The following FAM135B variants were observed in gnomAD, a reference collection of about 807,000 sequenced individuals.
FAM135B encodes protein FAM135B.
In FAM135B, 43 loss-of-function variants were observed where a neutral mutation model predicts 127.7. The ratio of observed to expected loss-of-function variants is 0.34; its 90% CI spans 0.26 to 0.43. The LOEUF (loss-of-function observed/expected upper bound fraction) is 0.43, where lower values mean the gene tolerates loss of function less well. Ranked by LOEUF, FAM135B falls within the 20% of genes least tolerant of loss-of-function variation. The pLI is 1.00. For synonymous variants in FAM135B, 670 were observed against 665.1 expected (o/e 1.01, Z -0.11); for missense variants, 1,558 against 1,725.6 (o/e 0.90, Z 1.72).
intron 12 of FAM135B, among the ~76,000 whole-genome samples, chr8:138,166,607 G>A (rs1819949467): frequency 6.6e-6 from 1 of 152,112 alleles, no homozygotes; most frequent in African/African-American, 2.4e-5. Flanking sequence ...ATAAACAAGA[G>A]CTAAGTTCCT....
intron 9 of FAM135B, among the ~76,000 whole-genome samples, chr8:138,187,834 G>C (rs1365497173): frequency 1.3e-5 from 2 of 152,214 alleles, no homozygotes; most frequent in African/African-American, 4.8e-5. Context: ...TCCATGATTG[G>C]AGAGTTGGGA....
At chr8:138,184,201 A>G (rs998743188) in intron 9 of FAM135B, among the ~76,000 whole-genome samples, 1 of 152,168 alleles carries the variant, frequency 6.6e-6, no homozygotes, top group Non-Finnish European at 1.5e-5. Context: ...GCAGAAAGAT[A>G]CTGTTTTTGC....
intron 12 of FAM135B, among the ~76,000 whole-genome samples, chr8:138,159,305 A>G (rs1245323464): frequency 7.0e-6 from 1 of 142,470 alleles, no homozygotes; most frequent in Non-Finnish European, 1.5e-5. Context: ...ACATGCACAC[A>G]TATGTTTATT....
intron 3 of FAM135B, among the ~76,000 whole-genome samples, chr8:138,285,395 C>T (rs1345532855): frequency 2.0e-5 from 3 of 152,090 alleles, no homozygotes; most frequent in African/African-American, 7.2e-5. Flanking sequence ...TATACGCCCA[C>T]CTCGGCCTCC....
chr8:138,214,647 C>T (rs1818409570), intron 7 of FAM135B, among the ~76,000 whole-genome samples: 2 of 151,972 alleles, frequency 1.3e-5, no homozygotes, highest in Admixed American at 1.3e-4. Context: ...ACATAGTTAG[C>T]CAGATGGACA....
chr8:138,306,383 C>G (rs1294880429), intron 3 of FAM135B, among the ~76,000 whole-genome samples: 3 of 145,428 alleles, frequency 2.1e-5, no homozygotes, highest in African/African-American at 7.7e-5. Context: ...TGTGGTGAGC[C>G]GAGATTGCAC....
chr8:138,402,729 C>G (rs1484792075), intron 1 of FAM135B, among the ~76,000 whole-genome samples: 1 of 152,160 alleles, frequency 6.6e-6, no homozygotes, highest in Non-Finnish European at 1.5e-5. Context: ...ACTACACTAC[C>G]AAGGTTATCA....
At chr8:138,456,943 G>A (rs1359728138) in intron 1 of FAM135B, among the ~76,000 whole-genome samples, 1 of 151,716 alleles carries the variant, frequency 6.6e-6, no homozygotes, top group Non-Finnish European at 1.5e-5. Context: ...AACGGGGGAA[G>A]GACCAGGAAA....
rs117465226 is a variant in FAM135B at position 138,292,767 on chromosome 8, T to G, written c.157+18074A>C. On this transcript the variant is annotated intron_variant, in intron 3 of 19. Coordinates refer to ENST00000395297, the MANE Select transcript of FAM135B (RefSeq NM_015912.4). ...TGGAAACACATCTCATGTCATGGAT[T>G]GGAAAGCTCAATATCGTGAAAATGA... Among the ~76,000 whole-genome samples the G allele has an allele frequency of 2.1e-4, 32 of 152,218 alleles. No individual in the cohort carries two copies. In the East Asian group the frequency reaches 5.6e-3, roughly 27 times the overall value.
At chr8:138,257,179 C>A (rs11166801) in intron 4 of FAM135B, among the ~76,000 whole-genome samples, 41,664 of 151,944 alleles carry the variant, frequency 0.27, 6,493 homozygotes, top group East Asian at 0.56. Flanking sequence ...TAAGTCAGAG[C>A]AATGTCATCT....
intron 15 of FAM135B, among the ~76,000 whole-genome samples, chr8:138,145,563 C>G (rs1817579568): frequency 1.3e-5 from 2 of 152,134 alleles, no homozygotes; most frequent in South Asian, 4.1e-4. Context: ...AAGTCATTCT[C>G]TTCTCTCTCC....
rs147069201 is a variant in FAM135B, at chr8:138,179,991, G to A, written c.874-1301C>T. On this transcript the variant is annotated intron_variant, in intron 9 of 19. Coordinates refer to ENST00000395297, the MANE Select transcript of FAM135B (RefSeq NM_015912.4). ...CCTGGCTTCACTCCACATTTCTTACGGGAGATTCCTGGTTACATTAACTAA... is the reference window on the plus strand; with the variant it reads ...CCTGGCTTCACTCCACATTTCTTACAGGAGATTCCTGGTTACATTAACTAA... 3.3e-4 allele frequency among the ~76,000 whole-genome samples: 51 copies of A among 152,264 alleles called. No individual in the cohort carries two copies. In the East Asian group the frequency reaches 6.4e-3, roughly 19 times the overall value.
chr8:138,185,788 T>A (rs1247177030), intron 9 of FAM135B, among the ~76,000 whole-genome samples: 1 of 152,214 alleles, frequency 6.6e-6, no homozygotes, highest in African/African-American at 2.4e-5. Flanking sequence ...TGCTCTCCAG[T>A]TGATACTCAG....
At position 138,474,969 on chromosome 8, in the gene FAM135B, T is replaced by G. The variant is rs114342706; in HGVS notation, c.-20+21702A>C. Among the ~76,000 whole-genome samples the G allele has an allele frequency of 6.1e-3, 936 of 152,330 alleles. 5 individuals are homozygous for G. Among genetic ancestry groups the G allele is most frequent in the African/African-American group, 0.022 (906 of 41,582 alleles). Reference sequence around the variant, plus strand: ...CATTGTCAGCCTCTTGCAGGATGCTTTTCCAGACCTGTCTGTGACACGCAT... The same window carrying G: ...CATTGTCAGCCTCTTGCAGGATGCTGTTCCAGACCTGTCTGTGACACGCAT... On this transcript the variant is annotated intron_variant, in intron 1 of 19. Coordinates refer to ENST00000395297, the MANE Select transcript of FAM135B (RefSeq NM_015912.4).
chr8:138,488,184 T>A (rs1815059002), intron 1 of FAM135B, among the ~76,000 whole-genome samples: 1 of 152,144 alleles, frequency 6.6e-6, no homozygotes, highest in Admixed American at 6.5e-5. Context: ...CAGTTATTAC[T>A]TTTTAAACGT....
intron 2 of FAM135B, among the ~76,000 whole-genome samples, chr8:138,340,894 C>T (rs1412390658): frequency 6.6e-6 from 1 of 152,180 alleles, no homozygotes; most frequent in Non-Finnish European, 1.5e-5. Flanking sequence ...CCCGCATGCT[C>T]TCCAAATCCA....
At chr8:138,411,065 G>T (rs10103761) in intron 1 of FAM135B, among the ~76,000 whole-genome samples, 5 of 98,362 alleles carry the variant, frequency 5.1e-5, no homozygotes, top group Non-Finnish European at 1.1e-4. Flanking sequence ...CCATACTGCC[G>T]AAGGTAATTT....
chr8:138,462,955 C>T (rs1333596730), intron 1 of FAM135B, among the ~76,000 whole-genome samples: 2 of 152,174 alleles, frequency 1.3e-5, no homozygotes, highest in East Asian at 3.9e-4. Context: ...AATTAACTAA[C>T]AGCAGGCTAT....
At position 138,152,871 on chromosome 8, in the gene FAM135B, T is replaced by G; in HGVS notation, c.1604A>C (p.Asp535Ala). The change falls in exon 13 of 20, where the codon GAT becomes GCT. Residue 535 changes from aspartate to alanine, a missense_variant. This residue lies in a region of FAM135B where 923 missense variants were observed against 865.3 expected (regional missense o/e 1.07). Transcript: ENST00000395297. ...DAGTYPVADV[D>A]TSRRSPGPED... is the part of the protein sequence containing the mutation. ...TGGACCTGGACTCCTTCTAGAAGTA[T>G]CCACATCTGCCACTGGATATGTCCC... 1 of 1,614,208 alleles carries G rather than the reference T, an allele frequency of 6.2e-7. No individual in the cohort carries two copies. Among genetic ancestry groups the G allele is most frequent in the African/African-American group, 1.3e-5 (1 of 75,052 alleles).
Sources: allele counts gnomAD v4.1 joint callset (sites outside exome capture counted in the v4.1 genomes callset), GRCh38; gene constraint gnomAD v4.1.1; regional missense constraint gnomAD v4.1.1; transcripts MANE v1.5; gene names NCBI Gene and HGNC (gene_info 2026-07-23, HGNC 2026-07-21).